Variants in NKAIN2 observed in about 807,000 individuals in gnomAD.
NKAIN2 encodes the protein sodium/potassium-transporting ATPase subunit beta-1-interacting protein 2.
In NKAIN2, 14 loss-of-function variants were observed where a neutral mutation model predicts 32.6. That is an observed-to-expected ratio of 0.43 (90% confidence interval 0.28 to 0.67). The LOEUF is 0.67. Among genes scored for constraint, NKAIN2 ranks in the 30% least tolerant of loss-of-function variants. The pLI is 0.17. For synonymous variants in NKAIN2, 80 were observed against 87.2 expected, an observed-to-expected ratio of 0.92 and a Z score of 0.46; for missense variants, 198 against 258.3, an observed-to-expected ratio of 0.77 and a Z score of 1.60.
chr6:124,177,482 A>C (rs1789218544), intron 1 of NKAIN2, among the ~76,000 whole-genome samples: 1 of 152,190 alleles, frequency 6.6e-6, no homozygotes, highest in South Asian at 2.1e-4. Context: ...ATTAAAACAT[A>C]GTTATGGCAT....
chr6:124,068,509 G>A (rs2114873786), intron 1 of NKAIN2, among the ~76,000 whole-genome samples: 1 of 151,996 alleles, frequency 6.6e-6, no homozygotes, highest in African/African-American at 2.4e-5. Context: ...TTCCAACTCA[G>A]CCTCTTGAGT....
intron 3 of NKAIN2, among the ~76,000 whole-genome samples, chr6:124,549,568 C>T (rs547699367): frequency 1.3e-5 from 2 of 152,284 alleles, no homozygotes; most frequent in East Asian, 3.9e-4. Flanking sequence ...GAGCACAGAA[C>T]TTATTCAGTG....
intron 4 of NKAIN2, among the ~76,000 whole-genome samples, chr6:124,739,486 T>C (rs973050910): frequency 1.3e-5 from 2 of 151,870 alleles, no homozygotes; most frequent in Non-Finnish European, 2.9e-5. Context: ...TGTCAGAAAC[T>C]ATTATCTTCT....
chr6:124,226,936 A>G (rs548004974), intron 1 of NKAIN2, among the ~76,000 whole-genome samples: 1 of 152,214 alleles, frequency 6.6e-6, no homozygotes, highest in South Asian at 2.1e-4. Flanking sequence ...AATTCTCCCA[A>G]TAATCCTGTA....
chr6:124,302,895 T>C, intron 2 of NKAIN2, among the ~76,000 whole-genome samples: 1 of 152,118 alleles, frequency 6.6e-6, no homozygotes, highest in South Asian at 2.1e-4. Flanking sequence ...TATCAAAATA[T>C]GTAGAGGCAA....
chr6:124,309,340 A>G (rs573859329), intron 2 of NKAIN2, among the ~76,000 whole-genome samples: 1 of 152,264 alleles, frequency 6.6e-6, no homozygotes, highest in East Asian at 1.9e-4. Flanking sequence ...AAATCACACC[A>G]AAAGCATTTT....
chr6:123,854,519 T>C (rs1017088430), intron 1 of NKAIN2, among the ~76,000 whole-genome samples: 1 of 152,200 alleles, frequency 6.6e-6, no homozygotes, highest in South Asian at 2.1e-4. Context: ...CAATTTTTAT[T>C]ATTAGTTAAA....
intron 5 of NKAIN2, among the ~76,000 whole-genome samples, chr6:124,802,098 T>C (rs1780287419): frequency 6.6e-6 from 1 of 152,178 alleles, no homozygotes; most frequent in African/African-American, 2.4e-5. Context: ...TGATTTTCAT[T>C]TCTGGAGGCT....
At chr6:124,121,842 A>T (rs1285298230) in intron 1 of NKAIN2, 1 of 890,658 alleles carries the variant, frequency 1.1e-6, no homozygotes, top group Non-Finnish European at 1.5e-6. Flanking sequence ...GTCACCCTCT[A>T]ATCATGCCTT....
chr6:123,952,884 T>A (rs1034053141), intron 1 of NKAIN2, among the ~76,000 whole-genome samples: 1 of 152,190 alleles, frequency 6.6e-6, no homozygotes, highest in African/African-American at 2.4e-5. Flanking sequence ...GTATTTCTGT[T>A]TGATTAGAAA....
At chr6:124,405,893 A>T (rs905823401) in intron 3 of NKAIN2, among the ~76,000 whole-genome samples, 1 of 152,212 alleles carries the variant, frequency 6.6e-6, no homozygotes, top group African/African-American at 2.4e-5. Flanking sequence ...GGGCTTTGAA[A>T]TAAATAATAG....
intron 3 of NKAIN2, among the ~76,000 whole-genome samples, chr6:124,504,945 A>C (rs1422428110): frequency 6.6e-6 from 1 of 152,232 alleles, no homozygotes; most frequent in Non-Finnish European, 1.5e-5. Context: ...ACTTCTCTCT[A>C]CATTCTTGTG....
chr6:124,482,043 C>T (rs1285854791), intron 3 of NKAIN2, among the ~76,000 whole-genome samples: 1 of 152,076 alleles, frequency 6.6e-6, no homozygotes, highest in Non-Finnish European at 1.5e-5. Flanking sequence ...AAAACCAAAG[C>T]AATTTAAATG....
chr6:124,397,150 C>T (rs899525605), intron 3 of NKAIN2, among the ~76,000 whole-genome samples: 28 of 151,774 alleles, frequency 1.8e-4, no homozygotes, highest in Admixed American at 8.5e-4. Context: ...TCTAAATACA[C>T]ATAATAAAGA....
intron 1 of NKAIN2, among the ~76,000 whole-genome samples, chr6:123,888,130 A>G (rs2114360295): frequency 6.6e-6 from 1 of 152,246 alleles, no homozygotes; most frequent in East Asian, 1.9e-4. Flanking sequence ...ATCTAGAGTA[A>G]AAACAATCTA....
intron 1 of NKAIN2, among the ~76,000 whole-genome samples, chr6:124,048,137 G>C (rs943939865): frequency 5.3e-5 from 8 of 151,974 alleles, no homozygotes; most frequent in African/African-American, 1.7e-4. Flanking sequence ...CTCCCATCCT[G>C]CTGAGCCCTT....
intron 1 of NKAIN2, among the ~76,000 whole-genome samples, chr6:124,014,967 C>T (rs764142698): frequency 1.1e-4 from 17 of 152,106 alleles, no homozygotes; most frequent in Non-Finnish European, 1.9e-4. Context: ...TACATACACT[C>T]TTACACACTG....
At chr6:124,806,835 A>G (rs1322612087) in intron 5 of NKAIN2, among the ~76,000 whole-genome samples, 2 of 150,406 alleles carry the variant, frequency 1.3e-5, no homozygotes, top group Non-Finnish European at 3.0e-5. Context: ...CAGGGGTTGC[A>G]ATCCTAGTCT....
intron 4 of NKAIN2, among the ~76,000 whole-genome samples, chr6:124,701,542 G>T (rs186122679): frequency 7.2e-4 from 110 of 152,060 alleles, no homozygotes; most frequent in African/African-American, 2.6e-3. Context: ...ACTAATTAAA[G>T]GAAGCAGAGA....
Sources: gnomAD v4.1 joint callset for allele counts (sites outside exome capture counted in the v4.1 genomes callset) on GRCh38, gnomAD v4.1.1 for gene constraint, MANE v1.5 for transcripts, NCBI Gene and HGNC (gene_info 2026-07-23, HGNC 2026-07-21) for gene names.